Variants in DCT observed in about 807,000 individuals in gnomAD.
The protein encoded by DCT is dopachrome tautomerase, also known as L-dopachrome tautomerase.
Under a neutral mutation model 53.0 loss-of-function variants are expected in DCT, and 47 were observed. The ratio of observed to expected loss-of-function variants is 0.89; its 90% CI spans 0.70 to 1.13. The LOEUF (loss-of-function observed/expected upper bound fraction) is 1.13. Ranked by LOEUF, DCT falls within the 50% of genes most tolerant of loss-of-function variation. The pLI is 0.00. For missense variants in DCT, 669 were observed against 637.4 expected (o/e 1.05, Z -0.53); for synonymous variants, 244 against 237.0 (o/e 1.03, Z -0.27).
At chr13:94,469,294 G>A (rs969060167) in intron 1 of DCT, among the ~76,000 whole-genome samples, 1 of 152,172 alleles carries the variant, frequency 6.6e-6, no homozygotes, top group Non-Finnish European at 1.5e-5. Flanking sequence ...ATACTGCAAT[G>A]AGCTAAACCG....
rs184603139 is a variant in DCT at position 94,475,375 on chromosome 13, G to A, written c.295+3586C>T. Among the ~76,000 whole-genome samples the A allele has an allele frequency of 3.3e-5, 5 of 152,286 alleles. No individual in the cohort carries two copies. The East Asian group carries it at 7.7e-4, about 24-fold the overall frequency. On this transcript the variant is annotated intron_variant, in intron 1 of 7. Coordinates refer to ENST00000377028, the MANE Select transcript of DCT (RefSeq NM_001922.5). ...TAAAAAGAAAAAAATTCTACCATTT[G>A]CGACAGCATGGATGGACCTGGAAGA...
upstream of DCT, among the ~76,000 whole-genome samples, chr13:94,483,667 A>G (rs963530120): frequency 1.3e-5 from 2 of 151,848 alleles, no homozygotes; most frequent in African/African-American, 4.8e-5. Flanking sequence ...ACATCTGGCT[A>G]ATTTTTGTAT....
At position 94,468,732 on chromosome 13, in the gene DCT, A is replaced by G; in HGVS notation, c.595+14T>C. The G allele has an allele frequency of 6.2e-7, 1 of 1,608,152 alleles. No homozygotes were observed. ...ACCTGTAATAATATACCTTCAGCCAAGGAAAAAACCCACCTAATAATGTAT... is the reference window on the plus strand; with the variant it reads ...ACCTGTAATAATATACCTTCAGCCAGGGAAAAAACCCACCTAATAATGTAT... On this transcript the variant is annotated intron_variant, in intron 2 of 7. Coordinates refer to ENST00000377028, the MANE Select transcript of DCT (RefSeq NM_001922.5).
chr13:94,521,537 G>T, the DCT span, among the ~76,000 whole-genome samples: 1 of 152,188 alleles, frequency 6.6e-6, no homozygotes, highest in African/African-American at 2.4e-5. Flanking sequence ...AGGCGTGGTG[G>T]CCTGTGCCTG....
At chr13:94,487,793 T>A in the DCT span, among the ~76,000 whole-genome samples, 2 of 152,120 alleles carry the variant, frequency 1.3e-5, no homozygotes, top group Non-Finnish European at 2.9e-5. Context: ...GAAAAGAGAT[T>A]ATTTTTTTCC....
the DCT span, among the ~76,000 whole-genome samples, chr13:94,506,139 G>A: frequency 1.3e-5 from 2 of 152,158 alleles, no homozygotes; most frequent in Non-Finnish European, 2.9e-5. Flanking sequence ...ATCACGTATA[G>A]TTTGTTATCT....
At chr13:94,490,520 A>AAAAAAAC in the DCT span, among the ~76,000 whole-genome samples, 2 of 144,780 alleles carry the variant, frequency 1.4e-5, no homozygotes, top group Admixed American at 1.4e-4. Context: ...AAAAAAAAAA[A>AAAAAAAC]AAAAAAAAAA....
At chr13:94,548,420 A>G in the DCT span, among the ~76,000 whole-genome samples, 1 of 152,144 alleles carries the variant, frequency 6.6e-6, no homozygotes, top group African/African-American at 2.4e-5. Context: ...AGACCTAAGC[A>G]TACATCTCAC....
At chr13:94,522,918 T>C in the DCT span, among the ~76,000 whole-genome samples, 474 of 152,340 alleles carry the variant, frequency 3.1e-3, 2 homozygotes, top group African/African-American at 0.011. Flanking sequence ...GCATTAACCA[T>C]GCAGTGGTGA....
chr13:94,472,922 G>A (rs1415588121), intron 1 of DCT, among the ~76,000 whole-genome samples: 4 of 152,024 alleles, frequency 2.6e-5, no homozygotes, highest in African/African-American at 9.7e-5. Context: ...TATTATTAGA[G>A]ACCACTTATC....
the DCT span, among the ~76,000 whole-genome samples, chr13:94,517,643 G>A: frequency 1.3e-5 from 2 of 152,092 alleles, no homozygotes; most frequent in Admixed American, 6.6e-5. Context: ...TTGAGATGGG[G>A]AGAGTATCCT....
intron 1 of DCT, among the ~76,000 whole-genome samples, chr13:94,473,262 AG>A (rs1884870425): frequency 6.6e-6 from 1 of 152,200 alleles, no homozygotes; most frequent in Admixed American, 6.5e-5. Context: ...CCTTCAGTAC[AG>A]TATTTAGTAA....
chr13:94,440,687 T>TTTG (rs1272754422), intron 7 of DCT, among the ~76,000 whole-genome samples: 2 of 145,934 alleles, frequency 1.4e-5, no homozygotes, highest in Non-Finnish European at 3.0e-5. Context: ...TTTTTTTTTT[T>TTTG]TTTTTTTTTT....
At chr13:94,462,831 T>C (rs1266347448) in intron 4 of DCT, among the ~76,000 whole-genome samples, 4 of 152,178 alleles carry the variant, frequency 2.6e-5, no homozygotes, top group African/African-American at 9.7e-5. Flanking sequence ...GAAGGGAGAA[T>C]AGGGTGGTTC....
At chr13:94,503,594 C>G in the DCT span, among the ~76,000 whole-genome samples, 1 of 152,070 alleles carries the variant, frequency 6.6e-6, no homozygotes, top group Non-Finnish European at 1.5e-5. Context: ...AGGAAGAAAG[C>G]CATGTGAAGA....
chr13:94,479,081 C>T lies in DCT; in HGVS notation c.175G>A (p.Gly59Arg). ...ANVCGSQQGR[G>R]QCTEVRADTR... ...TCGGCTCGCACCTCTGTGCACTGCC[C>T]CCGGCCTTGCTGAGAGCCACAGACA... The change falls in exon 1 of 8, where the codon GGG (glycine) becomes AGG (arginine). Residue 59 changes from glycine (G) to arginine (R), a missense_variant. Physicochemically the swap from Gly to Arg is moderately radical, Grantham distance 125. Coordinates refer to ENST00000377028, the MANE Select transcript of DCT (RefSeq NM_001922.5). 6.2e-7 allele frequency: 1 copy of T among 1,614,226 alleles called. No homozygotes were observed. Among genetic ancestry groups the T allele is most frequent in the South Asian group, 1.1e-5 (1 of 91,084 alleles).
the DCT span, among the ~76,000 whole-genome samples, chr13:94,498,058 C>T: frequency 0.3 from 45,759 of 152,104 alleles, 7,098 homozygotes; most frequent in Middle Eastern, 0.35. Context: ...AACTCAGAAT[C>T]GAGGACAACA....
chr13:94,536,860 C>T, the DCT span, among the ~76,000 whole-genome samples: 2 of 152,222 alleles, frequency 1.3e-5, no homozygotes, highest in East Asian at 3.9e-4. Context: ...AGGAGAATTG[C>T]TTGAACCCAG....
intron 2 of DCT, chr13:94,467,896 A>T (rs1228827196): frequency 6.6e-6 from 1 of 152,168 alleles, no homozygotes; most frequent in Admixed American, 6.5e-5. Flanking sequence ...CTATGGGAAG[A>T]ATCTAGGATG....
Sources: allele counts gnomAD v4.1 joint callset (sites outside exome capture counted in the v4.1 genomes callset), GRCh38; gene constraint gnomAD v4.1.1; transcripts MANE v1.5; gene names NCBI Gene and HGNC (gene_info 2026-07-23, HGNC 2026-07-21).